Variants in BRF1 observed in about 807,000 individuals in gnomAD.
The protein encoded by BRF1 is BRF1 general transcription factor IIIB subunit.
A neutral mutation model predicts 81.7 loss-of-function variants in BRF1; 59 were observed. That is an observed-to-expected ratio of 0.72 (90% CI 0.59 to 0.90). BRF1 has a LOEUF of 0.90. BRF1 is among the 40% of genes least tolerant of loss of function. The pLI is 0.00. For synonymous variants in BRF1, 491 were observed against 395.6 expected (o/e 1.24, Z -2.86); for missense variants, 1,050 against 936.3 (o/e 1.12, Z -1.58).
intron 1 of BRF1, among the ~76,000 whole-genome samples, chr14:105,289,874 G>C (rs1193497102): frequency 6.6e-6 from 1 of 151,870 alleles, no homozygotes; most frequent in Admixed American, 6.6e-5. Context: ...GACCTCAAGT[G>C]ATCCACCCAC....
chr14:105,217,604 G>A lies in BRF1; in HGVS notation c.1712C>T (p.Ser571Leu). 1 of 1,613,428 alleles carries A rather than the reference G, an allele frequency of 6.2e-7. No individual in the cohort carries two copies. The highest frequency in any genetic ancestry group is 1.3e-5 in the African/African-American group (1 of 75,070). ...TCTGCTGGCCGGCGTCCTCCTTCGT[G>A]ACAGCTTCCTGGCACTGGCGCTATG... The part of the protein sequence containing the change: ...PEHSASARKL[S>L]RRRTPASRSG... The change falls in exon 15 of 18, where the codon TCA becomes TTA. Residue 571 changes from serine (S) to leucine (L), a missense_variant. By Grantham distance (145) the Ser-to-Leu change is moderately radical. Around this residue, in one of 2 missense-constraint regions of BRF1, gnomAD observed 1,043 missense variants for 915.4 expected, o/e 1.14. Coordinates refer to ENST00000547530, the MANE Select transcript of BRF1 (RefSeq NM_001519.4).
intron 2 of BRF1, among the ~76,000 whole-genome samples, chr14:105,277,883 T>C (rs2056911658): frequency 6.6e-6 from 1 of 152,094 alleles, no homozygotes; most frequent in Non-Finnish European, 1.5e-5. Context: ...GCCTCTTGAG[T>C]AGCTGGGACT....
At chr14:105,283,804 T>C (rs1350525733) in intron 2 of BRF1, among the ~76,000 whole-genome samples, 1 of 152,072 alleles carries the variant, frequency 6.6e-6, no homozygotes. Context: ...GCTCTTCACA[T>C]GGAGAAAATC....
At chr14:105,253,082 C>A (rs745829934) in intron 4 of BRF1, among the ~76,000 whole-genome samples, 1 of 152,258 alleles carries the variant, frequency 6.6e-6, no homozygotes, top group Non-Finnish European at 1.5e-5. Context: ...CAGATCCTGT[C>A]ACCCCTGCCT....
intron 1 of BRF1, among the ~76,000 whole-genome samples, chr14:105,297,501 C>G (rs991993357): frequency 9.9e-5 from 15 of 152,036 alleles, no homozygotes; most frequent in African/African-American, 3.1e-4. Context: ...ACTCGGGAGG[C>G]GGAGGGTGCA....
chr14:105,315,198 C>A lies in BRF1; in HGVS notation c.-162+124G>T. 7.4e-6 allele frequency: 2 copies of A among 269,006 alleles called. 1 individual carries two copies. 16.7% of individuals were successfully genotyped at this position (269,006 alleles called of 1,614,324 possible). ...TTCGACGCGTGCAGCCGCCGCCCCC[C>A]CGCAGCTCCGGCAAGCGCGGCCCCA... is the stretch of plus-strand genomic sequence containing the variant. On this transcript the variant is annotated intron_variant, in intron 1 of 17. Coordinates refer to the BRF1 transcript ENST00000327359. The surrounding 1 kb of genome is among the most constrained non-coding windows in gnomAD (Gnocchi z 4.4).
In BRF1 at chr14:105,300,755, C is replaced by T. The variant is rs1415568426; in HGVS notation, c.-126G>A. The T allele has an allele frequency of 2.7e-6, 2 of 735,664 alleles. No individual in the cohort carries two copies. The highest frequency in any genetic ancestry group is 4.8e-5 in the Admixed American group (1 of 21,018). 45.6% of individuals were successfully genotyped at this position (735,664 alleles called of 1,614,324 possible). A position where few individuals can be genotyped will look rare whatever the true frequency, so the allele number is the denominator to read the frequency against. On this transcript the variant is annotated 5_prime_UTR_variant, in exon 1 of 18. Coordinates refer to ENST00000547530, the MANE Select transcript of BRF1 (RefSeq NM_001519.4). ...GCCTCGCCGCTCTCGCGAGGCCCCG[C>T]TCCAGCCGATTCGCAGCCGCAGATT...
chr14:105,252,180 A>G (rs2055654023), intron 5 of BRF1, among the ~76,000 whole-genome samples: 1 of 152,200 alleles, frequency 6.6e-6, no homozygotes, highest in Non-Finnish European at 1.5e-5. Flanking sequence ...GTTTTGCAGC[A>G]GAAAGCAAGC....
chr14:105,220,467 C>CAGGAAGGA (rs975388312), intron 11 of BRF1, among the ~76,000 whole-genome samples: 6 of 152,184 alleles, frequency 3.9e-5, no homozygotes, highest in African/African-American at 1.4e-4. Flanking sequence ...GGAAGCTGGG[C>CAGGAAGGA]AGGAAGGAAA....
In BRF1 at chr14:105,229,656, GGC is replaced by G. The variant is rs1373353858; in HGVS notation, c.695-745_695-744del. The stretch of plus-strand genomic sequence containing the variant: ...CCCAGCTGGGGGCGGGGGACAGCCT[GGC>G]AGCCCCGTGGCACCCTCAGGAGCAA... On this transcript the variant is annotated intron_variant, in intron 6 of 17. Transcript: ENST00000547530. Among the ~76,000 whole-genome samples the G allele has an allele frequency of 8.7e-4, 131 of 150,908 alleles. 2 individuals carry two copies. Among genetic ancestry groups the G allele is most frequent in the African/African-American group, 1.7e-3 (71 of 41,138 alleles).
At chr14:105,282,530 T>C (rs2057149989) in intron 2 of BRF1, among the ~76,000 whole-genome samples, 2 of 152,184 alleles carry the variant, frequency 1.3e-5, no homozygotes, top group South Asian at 2.1e-4. Flanking sequence ...AGGGCTGATA[T>C]GAAAACTTCA....
chr14:105,291,087 C>T (rs1044076921), intron 1 of BRF1, among the ~76,000 whole-genome samples: 2 of 152,298 alleles, frequency 1.3e-5, no homozygotes, highest in East Asian at 1.9e-4. Flanking sequence ...TGCTAGTTCC[C>T]GTTAGCTGGA....
At chr14:105,279,240 C>G (rs1467462823) in intron 2 of BRF1, among the ~76,000 whole-genome samples, 1 of 151,960 alleles carries the variant, frequency 6.6e-6, no homozygotes, top group Non-Finnish European at 1.5e-5. Flanking sequence ...AGTTTCTGTT[C>G]GTCAAAAGAC....
chr14:105,229,126 T>C (rs1452590282), intron 6 of BRF1, among the ~76,000 whole-genome samples: 1 of 152,232 alleles, frequency 6.6e-6, no homozygotes, highest in Admixed American at 6.5e-5. Flanking sequence ...ACCCATTCCA[T>C]TTTCAAATCA....
At position 105,219,049 on chromosome 14, in the gene BRF1, T is replaced by C. The variant is rs1280403438; in HGVS notation, c.1464A>G (p.Lys488=). 1 of 1,613,910 alleles carries C rather than the reference T, an allele frequency of 6.2e-7. No individual in the cohort carries two copies. The highest frequency in any genetic ancestry group is 1.7e-5 in the Admixed American group (1 of 60,020). ...NAEYLREQRE[K]EARIAKEKEL... Reference sequence around the variant, plus strand: ...CCTTCTCTTTCGCTATTCTTGCTTCTTTTTCTAAAAGTTCAGAAAGGGGGC... The same window carrying C: ...CCTTCTCTTTCGCTATTCTTGCTTCCTTTTCTAAAAGTTCAGAAAGGGGGC... The change falls in exon 14 of 18, where the codon AAA becomes AAG. Residue 488 remains lysine (K), a synonymous_variant. Coordinates refer to ENST00000547530, the MANE Select transcript of BRF1 (RefSeq NM_001519.4).
Position 105,284,076 on chromosome 14 carries a change from G to A in BRF1, c.265+2220C>T, listed in dbSNP as rs116880715. Among the ~76,000 whole-genome samples, 9,033 of 150,212 alleles carry A rather than the reference G, an allele frequency of 0.06. 327 individuals carry two copies. Among genetic ancestry groups the A allele is most frequent in the Non-Finnish European group, 0.088 (5,897 of 67,368 alleles). Reference sequence around the variant, plus strand: ...GCACACTCTCGGTGGCAGACACAGAGAACCAGCCAGTGGAGAGGAAGAGGG... The same window carrying A: ...GCACACTCTCGGTGGCAGACACAGAAAACCAGCCAGTGGAGAGGAAGAGGG... On this transcript the variant is annotated intron_variant, in intron 2 of 17. Transcript: ENST00000547530. The surrounding 1 kb of genome is among the most constrained non-coding windows in gnomAD (Gnocchi z 4.0).
Position 105,228,819 on chromosome 14 carries a change from C to A in BRF1, c.788+1G>T. 1 of 1,613,854 alleles carries A rather than the reference C, an allele frequency of 6.2e-7. No homozygotes were observed. The highest frequency in any genetic ancestry group is 8.5e-7 in the Non-Finnish European group (1 of 1,179,996). On this transcript the variant is annotated splice_donor_variant, in intron 7 of 17. Transcript: ENST00000547530. LOFTEE classifies it high-confidence loss of function. ...CCATGCCATGAATGAGAGCCCCTCA[C>A]CTCTTCCGCAGCGTGGACTCACACA...
rs587597020 is a variant in BRF1 at position 105,226,337 on chromosome 14, C to T, written c.916-47G>A. ...GGCTTCGTGAAGGGAGGCCCTGGTG[C>T]ACAGCGCAGCCTCTGGGGTGCCGCG... On this transcript the variant is annotated intron_variant, in intron 8 of 17. Coordinates refer to ENST00000547530, the MANE Select transcript of BRF1 (RefSeq NM_001519.4). 2.5e-6 allele frequency: 4 copies of T among 1,612,924 alleles called. No individual in the cohort carries two copies. In the South Asian group the frequency reaches 4.4e-5, roughly 18 times the overall value.
chr14:105,267,105 A>G (rs2056449727), intron 3 of BRF1, among the ~76,000 whole-genome samples: 1 of 152,236 alleles, frequency 6.6e-6, no homozygotes, highest in Non-Finnish European at 1.5e-5. Flanking sequence ...AGTTGTGTGC[A>G]TTAAAGGAGA....
Sources: gnomAD v4.1 joint callset for allele counts (sites outside exome capture counted in the v4.1 genomes callset) on GRCh38, gnomAD v4.1.1 for gene constraint, gnomAD v4.1.1 regional missense constraint, Gnocchi (gnomAD v3.1) non-coding constraint, MANE v1.5 for transcripts, NCBI Gene and HGNC (gene_info 2026-07-23, HGNC 2026-07-21) for gene names.